WWOX: variants seen among roughly 807,000 people sequenced by gnomAD.
The protein encoded by WWOX is WW domain containing oxidoreductase.
WWOX carries 69 observed loss-of-function variants against 46.2 expected under a neutral mutation model. The observed-to-expected ratio is 1.49, with a 90% CI of 1.23 to 1.82. WWOX has a LOEUF of 1.82. WWOX is among the 40% of genes most tolerant of loss of function. The pLI is 0.00. For missense variants in WWOX, 919 were observed against 542.6 expected (o/e 1.69, Z -6.89); for synonymous variants, 359 against 202.6 (o/e 1.77, Z -6.56).
At chr16:78,806,516 A>T (rs2051041691) in intron 8 of WWOX, among the ~76,000 whole-genome samples, 1 of 152,100 alleles carries the variant, frequency 6.6e-6, no homozygotes, top group Non-Finnish European at 1.5e-5. Flanking sequence ...TTCACTCATG[A>T]GTCTGAGGAT....
chr16:78,384,546 T>C (rs750854300), intron 5 of WWOX, among the ~76,000 whole-genome samples: 1 of 152,186 alleles, frequency 6.6e-6, no homozygotes, highest in African/African-American at 2.4e-5. Context: ...GCCTTCAATA[T>C]TCTTGGTGGC....
At chr16:78,889,149 G>A (rs2044532665) in intron 8 of WWOX, among the ~76,000 whole-genome samples, 1 of 152,112 alleles carries the variant, frequency 6.6e-6, no homozygotes, top group African/African-American at 2.4e-5. Context: ...CAGGAATACG[G>A]CTTAATAATA....
chr16:78,768,035 T>G (rs1020542057), intron 8 of WWOX, among the ~76,000 whole-genome samples: 3 of 152,116 alleles, frequency 2.0e-5, no homozygotes, highest in Non-Finnish European at 2.9e-5. Context: ...TTGTTTACAT[T>G]GGGGAGGTTG....
At chr16:78,715,705 G>A (rs947217737) in intron 8 of WWOX, among the ~76,000 whole-genome samples, 1 of 152,140 alleles carries the variant, frequency 6.6e-6, no homozygotes, top group East Asian at 1.9e-4. Context: ...TCGAACTCCT[G>A]ACTTCAGGTG....
chr16:79,207,450 A>G (rs767322682), intron 8 of WWOX, among the ~76,000 whole-genome samples: 6 of 152,222 alleles, frequency 3.9e-5, no homozygotes, highest in Non-Finnish European at 8.8e-5. Flanking sequence ...TGGTGTTCCA[A>G]GCCTAATCTA....
chr16:79,171,734 A>T (rs111744193), intron 8 of WWOX, among the ~76,000 whole-genome samples: 3,109 of 152,270 alleles, frequency 0.02, 104 homozygotes, highest in African/African-American at 0.07. Context: ...TCACGTTGAA[A>T]GCACTTCGCT....
At position 78,749,622 on chromosome 16, in the gene WWOX, A is replaced by G. The variant is rs1354396119; in HGVS notation, c.1056+316870A>G. Among the ~76,000 whole-genome samples, 15 of 152,214 alleles carry G rather than the reference A, an allele frequency of 9.9e-5. No homozygotes were observed. In the South Asian group the frequency reaches 3.1e-3, roughly 31 times the overall value. ...ATATACATTTGGAGGATAAGGAAGC[A>G]TGAATTAGGGTGGAGGAAGTGTTTT... is the stretch of plus-strand genomic sequence containing the variant. On this transcript the variant is annotated intron_variant, in intron 8 of 8. Coordinates refer to ENST00000566780, the MANE Select transcript of WWOX (RefSeq NM_016373.4).
At chr16:78,415,919 C>A (rs2082787327) in intron 6 of WWOX, among the ~76,000 whole-genome samples, 1 of 152,144 alleles carries the variant, frequency 6.6e-6, no homozygotes, top group Admixed American at 6.5e-5. Context: ...AAATAGCATC[C>A]CCACAGTCAG....
At chr16:78,433,613 C>G (rs2083271120) in intron 8 of WWOX, among the ~76,000 whole-genome samples, 2 of 152,036 alleles carry the variant, frequency 1.3e-5, no homozygotes, top group South Asian at 4.2e-4. Flanking sequence ...CAGGCCTTCA[C>G]AGTTGGACCT....
intron 5 of WWOX, among the ~76,000 whole-genome samples, chr16:78,359,296 T>C (rs1220282543): frequency 1.3e-5 from 2 of 152,194 alleles, no homozygotes; most frequent in East Asian, 1.9e-4. Flanking sequence ...TAAATAAGTT[T>C]TGAACAAAAA....
At chr16:78,324,731 A>G (rs1489366329) in intron 5 of WWOX, among the ~76,000 whole-genome samples, 1 of 150,606 alleles carries the variant, frequency 6.6e-6, no homozygotes, top group African/African-American at 2.4e-5. Context: ...TATGTCCAGA[A>G]CAGAGAAATT....
rs58316084 is a variant in WWOX, at chr16:78,798,233, C to G, written c.1056+365481C>G. ...ATAGCCTTGTTATTTTTAATCCAAA[C>G]TGAAGTTATGCTTTGGGCTTCCAGA... On this transcript the variant is annotated intron_variant, in intron 8 of 8. Transcript: ENST00000566780. Among the ~76,000 whole-genome samples, 820 of 152,148 alleles carry G rather than the reference C, an allele frequency of 5.4e-3. 2 individuals carry two copies. The highest frequency in any genetic ancestry group is 0.027 in the Middle Eastern group (8 of 294).
At chr16:78,216,624 T>G (rs547772677) in intron 5 of WWOX, among the ~76,000 whole-genome samples, 1 of 152,306 alleles carries the variant, frequency 6.6e-6, no homozygotes, top group African/African-American at 2.4e-5. Context: ...TGTCTTTCTT[T>G]TGTGGTCACA....
At chr16:78,806,836 C>A (rs945434476) in intron 8 of WWOX, among the ~76,000 whole-genome samples, 1 of 152,154 alleles carries the variant, frequency 6.6e-6, no homozygotes, top group African/African-American at 2.4e-5. Context: ...GCCATGGCCA[C>A]TTTTGAAAGA....
intron 8 of WWOX, among the ~76,000 whole-genome samples, chr16:78,887,479 A>G (rs2044491015): frequency 1.1e-5 from 1 of 89,810 alleles, no homozygotes; most frequent in African/African-American, 3.8e-5. Flanking sequence ...ACACACACAC[A>G]CACACACACA....
chr16:79,206,464 A>C (rs954169385), intron 8 of WWOX: 2 of 152,208 alleles, frequency 1.3e-5, no homozygotes, highest in Admixed American at 1.3e-4. Context: ...AAATAAATGG[A>C]AATACTAACT....
intron 8 of WWOX, among the ~76,000 whole-genome samples, chr16:78,789,292 A>C (rs1482788408): frequency 6.6e-6 from 1 of 152,184 alleles, no homozygotes; most frequent in Non-Finnish European, 1.5e-5. Flanking sequence ...ACTTATGTTA[A>C]GACTTTTGAT....
chr16:78,333,941 C>G (rs1296854131), intron 5 of WWOX, among the ~76,000 whole-genome samples: 1 of 140,764 alleles, frequency 7.1e-6, no homozygotes, highest in Non-Finnish European at 1.5e-5. Flanking sequence ...TTTTAGAAAC[C>G]TTGCGTGATC....
chr16:78,635,785 A>C (rs753237474), intron 8 of WWOX, among the ~76,000 whole-genome samples: 1 of 152,176 alleles, frequency 6.6e-6, no homozygotes, highest in Non-Finnish European at 1.5e-5. Flanking sequence ...CTGGATGTCC[A>C]TGTTGGAAAA....
Sources: gnomAD v4.1 joint callset for allele counts (sites outside exome capture counted in the v4.1 genomes callset) on GRCh38, gnomAD v4.1.1 for gene constraint, MANE v1.5 for transcripts, NCBI Gene and HGNC (gene_info 2026-07-23, HGNC 2026-07-21) for gene names.